Variants in PDE1C observed in about 807,000 individuals in gnomAD.
PDE1C encodes the protein phosphodiesterase 1C, also known as dual specificity calcium/calmodulin-dependent 3',5'-cyclic nucleotide phosphodiesterase 1C.
A neutral mutation model predicts 93.1 loss-of-function variants in PDE1C; 62 were observed. That is an observed-to-expected ratio of 0.67 (90% CI 0.54 to 0.82). The LOEUF (loss-of-function observed/expected upper bound fraction) is 0.82. Ranked by LOEUF, PDE1C falls within the 40% of genes least tolerant of loss-of-function variation. The pLI is 0.00. For missense variants in PDE1C, 742 were observed against 884.6 expected (o/e 0.84, Z 2.04); for synonymous variants, 325 against 310.1 (o/e 1.05, Z -0.50).
chr7:31,620,142 GGCCT>G, the PDE1C span, among the ~76,000 whole-genome samples: 1 of 152,186 alleles, frequency 6.6e-6, no homozygotes, highest in Non-Finnish European at 1.5e-5. Flanking sequence ...AGCTCAAGGA[GGCCT>G]GCCTGCCTCT....
intron 1 of PDE1C, among the ~76,000 whole-genome samples, chr7:32,055,010 C>A (rs1448053599): frequency 6.6e-6 from 1 of 152,172 alleles, no homozygotes; most frequent in Non-Finnish European, 1.5e-5. Context: ...CCCATAGTGG[C>A]CAGAGCTTAC....
chr7:31,962,300 A>G (rs1379570989), intron 2 of PDE1C, among the ~76,000 whole-genome samples: 2 of 152,230 alleles, frequency 1.3e-5, no homozygotes, highest in African/African-American at 4.8e-5. Flanking sequence ...CAAGTTCACT[A>G]TGACTGTTCA....
chr7:32,000,852 T>A (rs1303203921), intron 2 of PDE1C, among the ~76,000 whole-genome samples: 11 of 152,240 alleles, frequency 7.2e-5, no homozygotes, highest in Non-Finnish European at 1.0e-4. Context: ...CTTTTTTGAA[T>A]ATATTTTTGC....
chr7:32,158,734 T>A (rs1801728065), intron 3 of PDE1C, among the ~76,000 whole-genome samples: 1 of 152,202 alleles, frequency 6.6e-6, no homozygotes, highest in African/African-American at 2.4e-5. Flanking sequence ...GGAAATATAA[T>A]TCCTAATTCT....
chr7:31,932,323 C>A (rs1190483255), intron 2 of PDE1C, among the ~76,000 whole-genome samples: 1 of 149,156 alleles, frequency 6.7e-6, no homozygotes, highest in Non-Finnish European at 1.5e-5. Flanking sequence ...ATCCATCTGA[C>A]AAAGATCTAA....
chr7:32,261,254 C>T (rs1810175689), intron 1 of PDE1C, among the ~76,000 whole-genome samples: 1 of 152,124 alleles, frequency 6.6e-6, no homozygotes, highest in Admixed American at 6.5e-5. Flanking sequence ...CAGACCCCCA[C>T]ACTTGATGGA....
chr7:32,081,209 G>C (rs946597194), intron 3 of PDE1C, among the ~76,000 whole-genome samples: 2 of 152,176 alleles, frequency 1.3e-5, no homozygotes, highest in African/African-American at 2.4e-5. Flanking sequence ...GGAAGCACTT[G>C]GGAATTTTAA....
chr7:32,261,876 T>C (rs751613295), intron 1 of PDE1C, among the ~76,000 whole-genome samples: 1 of 152,214 alleles, frequency 6.6e-6, no homozygotes, highest in Non-Finnish European at 1.5e-5. Flanking sequence ...TTTTAAAATA[T>C]TGTTCTTAAG....
intron 3 of PDE1C, among the ~76,000 whole-genome samples, chr7:32,149,591 C>T (rs535080542): frequency 9.8e-5 from 15 of 152,352 alleles, no homozygotes; most frequent in African/African-American, 3.4e-4. Context: ...AATTACAGTA[C>T]ATCCACTAAG....
chr7:32,104,846 G>A (rs1041068471), intron 3 of PDE1C, among the ~76,000 whole-genome samples: 11 of 152,152 alleles, frequency 7.2e-5, no homozygotes, highest in African/African-American at 1.9e-4. Context: ...TACTGGTCAC[G>A]TCCAAAGTAT....
At chr7:32,286,081 G>A (rs969337208) in intron 1 of PDE1C, among the ~76,000 whole-genome samples, 1 of 152,194 alleles carries the variant, frequency 6.6e-6, no homozygotes, top group Admixed American at 6.5e-5. Context: ...ATGTAGGAAG[G>A]AATGAGCGGT....
At chr7:32,425,956 G>GAGGAAGGAAGGA (rs111260782) in intron 1 of PDE1C, among the ~76,000 whole-genome samples, 1 of 151,790 alleles carries the variant, frequency 6.6e-6, no homozygotes, top group Non-Finnish European at 1.5e-5. Context: ...AAAAAAGAAA[G>GAGGAAGGAAGGA]AGGAAGGAAG....
chr7:31,932,685 T>C (rs772537870), intron 2 of PDE1C, among the ~76,000 whole-genome samples: 30 of 152,140 alleles, frequency 2.0e-4, no homozygotes, highest in Non-Finnish European at 1.2e-4. Context: ...GAATCAGAAA[T>C]ACCATTTGAT....
intron 3 of PDE1C, among the ~76,000 whole-genome samples, chr7:32,139,870 G>A (rs6963935): frequency 0.1 from 15,382 of 151,976 alleles, 1,219 homozygotes; most frequent in African/African-American, 0.21. Context: ...ATGATGCTTG[G>A]AACCTCAACA....
intron 1 of PDE1C, among the ~76,000 whole-genome samples, chr7:32,381,005 C>G (rs1784524617): frequency 6.6e-6 from 1 of 152,016 alleles, no homozygotes; most frequent in Admixed American, 6.5e-5. Context: ...CATAACACAT[C>G]CAAAACAGAA....
chr7:31,791,355 T>C (rs1253944370), intron 16 of PDE1C, among the ~76,000 whole-genome samples: 1 of 152,134 alleles, frequency 6.6e-6, no homozygotes, highest in Non-Finnish European at 1.5e-5. Context: ...TGAGGCTTCA[T>C]ACCAATCACT....
At chr7:32,060,030 T>G (rs1212850784) in intron 1 of PDE1C, among the ~76,000 whole-genome samples, 3 of 152,168 alleles carry the variant, frequency 2.0e-5, no homozygotes, top group African/African-American at 7.2e-5. Flanking sequence ...CAAAACTATC[T>G]CTTAATATCT....
chr7:32,267,894 A>C (rs184723942), intron 1 of PDE1C, among the ~76,000 whole-genome samples: 1 of 152,298 alleles, frequency 6.6e-6, no homozygotes, highest in East Asian at 1.9e-4. Flanking sequence ...CCCTCCTAGG[A>C]ATTGGGGATT....
At position 32,203,484 on chromosome 7, in the gene PDE1C, G is replaced by A. The variant is rs78487184; in HGVS notation, c.136+6005C>T. Among the ~76,000 whole-genome samples the A allele has an allele frequency of 4.6e-5, 7 of 152,186 alleles. No homozygotes were observed. In the East Asian group the frequency reaches 9.7e-4, roughly 21 times the overall value. ...CATTTCCCATCTCTGCAGAGGGAAG[G>A]TGATCATTCACCCAGCACAAAAATA... On this transcript the variant is annotated intron_variant, in intron 2 of 18. Transcript: ENST00000396193.
Sources: allele counts gnomAD v4.1 joint callset (sites outside exome capture counted in the v4.1 genomes callset), GRCh38; gene constraint gnomAD v4.1.1; transcripts MANE v1.5; gene names NCBI Gene and HGNC (gene_info 2026-07-23, HGNC 2026-07-21).